SLC25A16: variants seen among roughly 807,000 people sequenced by gnomAD.
SLC25A16 encodes the protein mitochondrial coenzyme A transporter SLC25A16.
A neutral mutation model predicts 41.5 loss-of-function variants in SLC25A16; 39 were observed. That is an observed-to-expected ratio of 0.94 (90% CI 0.73 to 1.23). The LOEUF (loss-of-function observed/expected upper bound fraction) is 1.23, where lower values mean the gene tolerates loss of function less well. Ranked by LOEUF, SLC25A16 falls within the 50% of genes most tolerant of loss-of-function variation. The pLI is 0.00. For synonymous variants in SLC25A16, 146 were observed against 147.8 expected (o/e 0.99, Z 0.09); for missense variants, 421 against 426.9 (o/e 0.99, Z 0.12).
At position 68,516,769 on chromosome 10, in the gene SLC25A16, G is replaced by T; in HGVS notation, c.205C>A (p.His69Asn). 1 of 1,608,956 alleles carries T rather than the reference G, an allele frequency of 6.2e-7. No individual in the cohort carries two copies. The highest frequency in any genetic ancestry group is 8.5e-7 in the Non-Finnish European group (1 of 1,176,122). The change falls in exon 2 of 9, where the codon CAC (histidine) becomes AAC (asparagine). Residue 69 changes from histidine to asparagine, a missense_variant. Transcript: ENST00000609923. Reference protein sequence around the residue: ...RVKVLLQAHNHHYKHLGVFSA... With the variant: ...RVKVLLQAHNNHYKHLGVFSA... ...AACTCACCTAAATGCTTGTAATGGT[G>T]ATTGTGAGCTTGTAATAAAACCTTT...
At chr10:68,503,601 T>C in intron 4 of SLC25A16, 31 bp downstream of exon 4, 2 of 1,379,616 alleles carry the variant, frequency 1.4e-6, no homozygotes, top group South Asian at 1.3e-5. Flanking sequence ...AATTAATTTG[T>C]CAGAAATAAA....
At chr10:68,512,184 G>C (rs1310163577) in intron 2 of SLC25A16, among the ~76,000 whole-genome samples, 2 of 152,130 alleles carry the variant, frequency 1.3e-5, no homozygotes, top group Non-Finnish European at 2.9e-5. Flanking sequence ...CACTTTGGGA[G>C]GCCAAGACAG....
chr10:68,480,206 A>T lies in SLC25A16; in HGVS notation c.*3226T>A, dbSNP rs1043027265. On this transcript the variant is annotated 3_prime_UTR_variant, in exon 9 of 9. Transcript: ENST00000609923. ...AGAGAGGAACAATAAAGATCAAAAAAGAAATAAAATGTCAGTCTTCAAATG... is the reference window on the plus strand; with the variant it reads ...AGAGAGGAACAATAAAGATCAAAAATGAAATAAAATGTCAGTCTTCAAATG... The T allele has an allele frequency of 6.6e-6, 1 of 152,164 alleles. No individual in the cohort carries two copies. The highest frequency in any genetic ancestry group is 1.5e-5 in the Non-Finnish European group (1 of 68,050). The allele number at this position is 152,164 out of a possible 1,614,324, so 9.4% of individuals were successfully genotyped here.
intron 1 of SLC25A16, chr10:68,517,119 A>T (rs1171086892): frequency 9.0e-7 from 1 of 1,109,732 alleles, no homozygotes; most frequent in Non-Finnish European, 1.1e-6. Flanking sequence ...AAATGTGGTT[A>T]TGGAGACAGA....
chr10:68,485,830 C>G (rs1254073234), intron 8 of SLC25A16, among the ~76,000 whole-genome samples: 3 of 145,642 alleles, frequency 2.1e-5, no homozygotes, highest in African/African-American at 5.1e-5. Context: ...TGGAGTCTCA[C>G]TCTATCGCCC....
At position 68,488,588 on chromosome 10, in the gene SLC25A16, G is replaced by C; in HGVS notation, c.652C>G (p.Leu218Val). 6.2e-7 allele frequency: 1 copy of C among 1,612,734 alleles called. No homozygotes were observed. Among genetic ancestry groups the C allele is most frequent in the Non-Finnish European group, 8.5e-7 (1 of 1,179,744 alleles). Residue 218 changes from leucine (L) to valine (V), a missense_variant, in exon 7 of 9, where the codon CTT becomes GTT. Physicochemically the swap from Leu to Val is conservative, Grantham distance 32 (BLOSUM62 1). Transcript: ENST00000609923. ...CCAAGAAGGGTAGGAGCATGGGAAAGCCCAACACTCTTCAAGGTACCAAAA... is the reference window on the plus strand; with the variant it reads ...CCAAGAAGGGTAGGAGCATGGGAAACCCCAACACTCTTCAAGGTACCAAAA... ...FTFGTLKSVG[L>V]SHAPTLLGRP...
chr10:68,510,526 G>A (rs1209034785), intron 2 of SLC25A16, among the ~76,000 whole-genome samples: 1 of 150,966 alleles, frequency 6.6e-6, no homozygotes, highest in Non-Finnish European at 1.5e-5. Flanking sequence ...TGGGTGACAA[G>A]AGTGAAACTA....
chr10:68,511,045 T>C (rs2053054624), intron 2 of SLC25A16, among the ~76,000 whole-genome samples: 1 of 152,138 alleles, frequency 6.6e-6, no homozygotes, highest in Non-Finnish European at 1.5e-5. Flanking sequence ...GAGACCAGCA[T>C]GGCCAACACA....
chr10:68,492,774 A>G (rs1160669928), intron 6 of SLC25A16, among the ~76,000 whole-genome samples: 2 of 152,208 alleles, frequency 1.3e-5, no homozygotes, highest in Non-Finnish European at 2.9e-5. Context: ...CTACTTTTCT[A>G]TATTTTCAAA....
intron 4 of SLC25A16, among the ~76,000 whole-genome samples, chr10:68,495,776 T>C (rs1053879889): frequency 5.5e-5 from 4 of 72,920 alleles, no homozygotes. Flanking sequence ...AGTTAGACTA[T>C]GTCTCAAAAA....
At chr10:68,492,678 G>A (rs533222549) in intron 6 of SLC25A16, among the ~76,000 whole-genome samples, 30 of 151,574 alleles carry the variant, frequency 2.0e-4, no homozygotes, top group African/African-American at 4.8e-4. Flanking sequence ...GCGAAACTCC[G>A]TCTCAAAAAA....
chr10:68,509,743 C>CTATCTATA (rs1554919964), intron 2 of SLC25A16, among the ~76,000 whole-genome samples: 1 of 144,664 alleles, frequency 6.9e-6, no homozygotes, highest in African/African-American at 2.6e-5. Flanking sequence ...ATATATATAT[C>CTATCTATA]TATATATATA....
intron 4 of SLC25A16, chr10:68,499,768 C>T (rs1265434985): frequency 3.4e-5 from 14 of 406,592 alleles, no homozygotes; most frequent in Non-Finnish European, 6.2e-5. Context: ...GAAGAAATGT[C>T]ATCTACACTG....
chr10:68,527,368 G>T lies in SLC25A16; in HGVS notation c.8C>A (p.Ala3Glu). The change falls in exon 1 of 9, where the codon GCG becomes GAG. Residue 3 changes from alanine (A) to glutamate (E), a missense_variant. Ala to Glu is a moderately radical substitution (Grantham distance 107). Transcript: ENST00000609923. The stretch of plus-strand genomic sequence containing the variant: ...CGCCAGGGCTGCCGCGGCCGTCGCC[G>T]CCGCCATCAGGACCAGGGTCGCGTC... MA[A>E]ATAAAALAAA... The T allele has an allele frequency of 1.3e-6, 2 of 1,498,928 alleles. No individual in the cohort carries two copies. The highest frequency in any genetic ancestry group is 1.8e-6 in the Non-Finnish European group (2 of 1,129,678). The allele number at this position is 1,498,928 out of a possible 1,614,324, so 92.9% of individuals were successfully genotyped here.
chr10:68,493,018 T>A (rs1305650866), intron 6 of SLC25A16, 114 bp downstream of exon 6: 1 of 677,932 alleles, frequency 1.5e-6, no homozygotes, highest in African/African-American at 1.9e-5. Context: ...AAATCATTTC[T>A]TATTAAAAGT....
At chr10:68,491,284 T>C (rs1011653719) in intron 6 of SLC25A16, among the ~76,000 whole-genome samples, 1 of 152,004 alleles carries the variant, frequency 6.6e-6, no homozygotes, top group Non-Finnish European at 1.5e-5. Flanking sequence ...TGGAGTGCGA[T>C]GGTGCAATCT....
chr10:68,490,788 ATTT>A (rs531741393), intron 6 of SLC25A16, among the ~76,000 whole-genome samples: 1 of 152,086 alleles, frequency 6.6e-6, no homozygotes, highest in Admixed American at 6.6e-5. Context: ...TCAGAAGAAA[ATTT>A]TTTTGACACA....
In SLC25A16 at chr10:68,493,512, G is replaced by T. The variant is rs777119421; in HGVS notation, c.480C>A (p.Phe160Leu). The T allele has an allele frequency of 1.2e-6, 2 of 1,612,982 alleles. No individual in the cohort carries two copies. The highest frequency in any genetic ancestry group is 2.2e-5 in the South Asian group (2 of 91,058). ...TATAGCTGTGTTCCCCTTTCACCTGGAATGCTAGGCGGACCCTAACCATGT... is the reference window on the plus strand; with the variant it reads ...TATAGCTGTGTTCCCCTTTCACCTGTAATGCTAGGCGGACCCTAACCATGT... ...PLDMVRVRLA[F>L]QVKGEHSYTG... The change falls in exon 5 of 9, where the codon TTC becomes TTA. Residue 160 changes from phenylalanine to leucine, a missense_variant. By Grantham distance (22) the Phe-to-Leu change is conservative (BLOSUM62 0). Coordinates refer to ENST00000609923, the MANE Select transcript of SLC25A16 (RefSeq NM_152707.4).
intron 4 of SLC25A16, among the ~76,000 whole-genome samples, chr10:68,494,524 GGAGAGAGAGAGACA>G (rs2052716800): frequency 6.8e-6 from 1 of 146,982 alleles, no homozygotes; most frequent in Admixed American, 6.9e-5. Flanking sequence ...CGGGAGGGGA[GGAGAGAGAGAGACA>G]GAGAGAGAGA....
Sources: allele counts gnomAD v4.1 joint callset (sites outside exome capture counted in the v4.1 genomes callset), GRCh38; gene constraint gnomAD v4.1.1; transcripts MANE v1.5; gene names NCBI Gene and HGNC (gene_info 2026-07-23, HGNC 2026-07-21).